DLG3: variants seen among roughly 807,000 people sequenced by gnomAD.
DLG3 encodes disks large homolog 3.
In DLG3, 1 loss-of-function variant was observed where a neutral mutation model predicts 64.1. That is an observed-to-expected ratio of 0.02 (90% CI 0.01 to 0.07). DLG3 has a LOEUF of 0.07. DLG3 is among the 10% of genes least tolerant of loss of function. The pLI, the probability that DLG3 is intolerant of heterozygous loss-of-function variation, is 1.00. For synonymous variants in DLG3, 245 were observed against 259.8 expected (o/e 0.94, Z 0.55); for missense variants, 429 against 669.5 (o/e 0.64, Z 3.96).
At chrX:70,501,135 A>C in intron 18 of DLG3, 146 bp downstream of exon 18, 1 of 493,725 alleles carries the variant, frequency 2.0e-6, no homozygotes, top group Non-Finnish European at 3.5e-6. Flanking sequence ...AAACCTTTCC[A>C]AAGCACACAA....
intron 9 of DLG3, among the ~76,000 whole-genome samples, chrX:70,478,868 A>G (rs1273598391): frequency 8.9e-6 from 1 of 111,753 alleles, no homozygotes; most frequent in Non-Finnish European, 1.9e-5. Context: ...ATAAAGGATC[A>G]GTGACATTTT....
intron 9 of DLG3, chrX:70,455,010 G>A (rs1602883887): frequency 2.7e-6 from 2 of 751,945 alleles, no homozygotes; most frequent in South Asian, 1.4e-4. Flanking sequence ...GGCCAGTGGA[G>A]TGGCCATTGG....
Position 70,449,285 on chromosome X carries a change from G to A in DLG3, c.409-74G>A, listed in dbSNP as rs183099910. 3.3e-3 allele frequency: 3,890 copies of A among 1,181,115 alleles called. 8 individuals are homozygous for A. The highest frequency in any genetic ancestry group is 4.2e-3 in the Non-Finnish European group (3,650 of 871,110). On this transcript the variant is annotated intron_variant, in intron 2 of 18. Transcript: ENST00000374360. Reference sequence around the variant, plus strand: ...GGAGAACTAGCTCTGGGATATAAGGGGAGATGAGGTACCCAGAACTCTCCT... The same window carrying A: ...GGAGAACTAGCTCTGGGATATAAGGAGAGATGAGGTACCCAGAACTCTCCT...
intron 9 of DLG3, chrX:70,455,065 A>T: frequency 1.5e-6 from 1 of 687,413 alleles, no homozygotes; most frequent in Non-Finnish European, 1.7e-6. Context: ...CCCCTGACCC[A>T]GGAGGAGGGC....
intron 13 of DLG3, among the ~76,000 whole-genome samples, chrX:70,496,324 G>A (rs746361152): frequency 8.9e-6 from 1 of 112,682 alleles, no homozygotes; most frequent in Admixed American, 9.3e-5. Context: ...GCATATCATG[G>A]TCTGGAACAG....
chrX:70,453,810 G>A lies in DLG3; in HGVS notation c.1302+17G>A. The stretch of plus-strand genomic sequence containing the variant: ...ATCTTATCGGTGAGGAGACAAAGGA[G>A]AGGTGGGAGGATGGGAACTGTGCCA... On this transcript the variant is annotated intron_variant, in intron 8 of 18. Transcript: ENST00000374360. 8.6e-7 allele frequency: 1 copy of A among 1,166,099 alleles called. No homozygotes were observed. The highest frequency in any genetic ancestry group is 1.2e-6 in the Non-Finnish European group (1 of 867,081).
At chrX:70,470,525 C>A (rs1000773867) in intron 9 of DLG3, among the ~76,000 whole-genome samples, 1 of 111,707 alleles carries the variant, frequency 9.0e-6, no homozygotes, top group Admixed American at 9.6e-5. Context: ...GCCACTGCAC[C>A]CAGCGTCATT....
chrX:70,452,108 T>G, intron 7 of DLG3, 82 bp downstream of exon 7: 1 of 1,150,730 alleles, frequency 8.7e-7, no homozygotes, highest in Non-Finnish European at 1.2e-6. Flanking sequence ...GGCCACAGGC[T>G]CCTTGTAGTA....
chrX:70,489,922 G>A (rs1346212920), intron 10 of DLG3, among the ~76,000 whole-genome samples: 5 of 110,720 alleles, frequency 4.5e-5, no homozygotes, highest in African/African-American at 6.6e-5. Flanking sequence ...GAGTGCAGTG[G>A]CGCAATCTCG....
intron 10 of DLG3, among the ~76,000 whole-genome samples, chrX:70,482,688 C>T (rs1282939973): frequency 1.5e-4 from 4 of 27,393 alleles, no homozygotes; most frequent in Non-Finnish European, 2.2e-4. Flanking sequence ...TTTTTTTTGA[C>T]GGAGTCTCGC....
chrX:70,490,318 A>G (rs1440043101), intron 10 of DLG3, among the ~76,000 whole-genome samples: 1 of 111,927 alleles, frequency 8.9e-6, no homozygotes, highest in Non-Finnish European at 1.9e-5. Flanking sequence ...AGGTTGCTTC[A>G]TGATGCTCTT....
At chrX:70,493,507 A>G in intron 12 of DLG3, 1 of 1,123,808 alleles carries the variant, frequency 8.9e-7, no homozygotes, top group Non-Finnish European at 1.2e-6. Flanking sequence ...AGAGCAGGCC[A>G]TCTGCAGCCC....
At chrX:70,497,865 C>T (rs1453769962) in intron 13 of DLG3, among the ~76,000 whole-genome samples, 1 of 112,049 alleles carries the variant, frequency 8.9e-6, no homozygotes, top group East Asian at 2.8e-4. Context: ...CTGCCATCAG[C>T]CACTTTGGGA....
chrX:70,461,576 T>C lies in DLG3; in HGVS notation c.1405+7260T>C, dbSNP rs866556824. Among the ~76,000 whole-genome samples the C allele has an allele frequency of 9.8e-3, 773 of 78,596 alleles. 6 individuals carry two copies. The highest frequency in any genetic ancestry group is 0.03 in the African/African-American group (728 of 24,653). The allele number at this position is 78,596 out of a possible 115,157, so 68.3% of individuals were successfully genotyped here. A position where few individuals can be genotyped will look rare whatever the true frequency, so the allele number is the denominator to read the frequency against. On this transcript the variant is annotated intron_variant, in intron 9 of 18. Coordinates refer to ENST00000374360, the MANE Select transcript of DLG3 (RefSeq NM_021120.4). ...TGATAAAAATGATAGGGCCCCCCCTTTTTTTTTTTTTTGAGACAGAGTCTC... is the reference window on the plus strand; with the variant it reads ...TGATAAAAATGATAGGGCCCCCCCTCTTTTTTTTTTTTGAGACAGAGTCTC...
intron 12 of DLG3, among the ~76,000 whole-genome samples, chrX:70,493,899 C>T (rs939210185): frequency 4.4e-5 from 5 of 112,549 alleles, no homozygotes; most frequent in Non-Finnish European, 9.4e-5. Context: ...TGTTTTCTTT[C>T]CCTTAACTTC....
intron 1 of DLG3, 101 bp from the exon 2 acceptor site, chrX:70,448,812 C>A: frequency 9.4e-7 from 1 of 1,066,949 alleles, no homozygotes; most frequent in Non-Finnish European, 1.3e-6. Context: ...TGCACTTGGG[C>A]TCTTCTACTC....
intron 17 of DLG3, 144 bp downstream of exon 17, chrX:70,500,724 C>CT: frequency 1.5e-6 from 1 of 671,305 alleles, no homozygotes; most frequent in South Asian, 2.4e-5. Context: ...GTTTTGAGGG[C>CT]TTGTGCATAT....
At chrX:70,480,513 G>A (rs772462629) in intron 10 of DLG3, among the ~76,000 whole-genome samples, 8 of 111,195 alleles carry the variant, frequency 7.2e-5, no homozygotes, top group Admixed American at 4.8e-4. Flanking sequence ...CTTACCTCCC[G>A]CTGTGAAGGG....
intron 7 of DLG3, chrX:70,453,179 C>T (rs1016991821): frequency 6.3e-6 from 1 of 158,587 alleles, no homozygotes; most frequent in African/African-American, 3.1e-5. Context: ...AGAAGAGTGT[C>T]TGTGAAGTAA....
Sources: gnomAD v4.1 joint callset for allele counts (sites outside exome capture counted in the v4.1 genomes callset) on GRCh38, gnomAD v4.1.1 for gene constraint, MANE v1.5 for transcripts, NCBI Gene and HGNC (gene_info 2026-07-23, HGNC 2026-07-21) for gene names.